SAMD12: variants seen among roughly 807,000 people sequenced by gnomAD.
SAMD12 encodes sterile alpha motif domain-containing protein 12.
In SAMD12, 9 loss-of-function variants were observed where a neutral mutation model predicts 15.0. That is an observed-to-expected ratio of 0.60 (90% confidence interval 0.36 to 1.05). The LOEUF (loss-of-function observed/expected upper bound fraction) is 1.05. SAMD12 is among the 50% of genes least tolerant of loss of function. SAMD12 has a pLI of 0.01. For missense variants in SAMD12, 230 were observed against 234.2 expected (o/e 0.98, Z 0.12); for synonymous variants, 86 against 90.1 (o/e 0.96, Z 0.25).
At chr8:118,295,529 A>G (rs1208593253) in intron 4 of SAMD12, 1 of 152,158 alleles carries the variant, frequency 6.6e-6, no homozygotes, top group African/African-American at 2.4e-5. Context: ...AACTCAATTT[A>G]GTTTTGTAAA....
rs1284019637 is a variant in SAMD12, at chr8:118,391,020, C to G, written c.323-11320G>C. 2.6e-5 allele frequency among the ~76,000 whole-genome samples: 4 copies of G among 152,040 alleles called. No individual in the cohort carries two copies. The East Asian group carries it at 7.7e-4, about 29-fold the overall frequency. ...TGCTTTTCAAACAGAAAATGTGACC[C>G]TGCATTGTTTTTAGCTCTCCGAGAA... On this transcript the variant is annotated intron_variant, in intron 3 of 3. Coordinates refer to ENST00000314727, the MANE Select transcript of SAMD12 (RefSeq NM_207506.3).
downstream of SAMD12, among the ~76,000 whole-genome samples, chr8:118,374,646 A>G (rs1201998604): frequency 6.6e-6 from 1 of 151,978 alleles, no homozygotes; most frequent in African/African-American, 2.4e-5. Flanking sequence ...AACACTAGTT[A>G]TTTTCTGTTC....
chr8:118,169,681 G>A, the SAMD12 span, among the ~76,000 whole-genome samples: 1 of 152,154 alleles, frequency 6.6e-6, no homozygotes, highest in Admixed American at 6.5e-5. Context: ...TAGTTCTAGA[G>A]ATGTTTACAA....
intron 2 of SAMD12, among the ~76,000 whole-genome samples, chr8:118,447,875 G>A (rs1049418195): frequency 5.3e-4 from 81 of 151,480 alleles, no homozygotes; most frequent in African/African-American, 1.7e-3. Flanking sequence ...ACAGGAGCCC[G>A]CCACCATGCG....
chr8:118,456,301 A>T (rs916981751), intron 2 of SAMD12, among the ~76,000 whole-genome samples: 11 of 152,164 alleles, frequency 7.2e-5, no homozygotes, highest in African/African-American at 2.7e-4. Flanking sequence ...CTTAAACATC[A>T]TTTCTGCAGG....
At chr8:118,551,357 T>C (rs1304335897) in intron 2 of SAMD12, among the ~76,000 whole-genome samples, 2 of 151,956 alleles carry the variant, frequency 1.3e-5, no homozygotes, top group Non-Finnish European at 2.9e-5. Flanking sequence ...AAACTAGAAC[T>C]CAGGATTAAG....
the SAMD12 span, among the ~76,000 whole-genome samples, chr8:118,181,895 T>G: frequency 6.6e-6 from 1 of 152,244 alleles, no homozygotes; most frequent in East Asian, 1.9e-4. Flanking sequence ...CTAGCTGAGG[T>G]TGGTTGCTAG....
In SAMD12 at chr8:118,396,180, C is replaced by T. The variant is rs578073341; in HGVS notation, c.323-16480G>A. Among the ~76,000 whole-genome samples the T allele has an allele frequency of 2.0e-5, 3 of 152,174 alleles. No individual in the cohort carries two copies. In the South Asian group the frequency reaches 6.2e-4, roughly 32 times the overall value. ...GCCTGGGTTTGCAGGTTGGTGTCTCCACATGCAAGCTCTGTGAGCTTGAGT... is the reference window on the plus strand; with the variant it reads ...GCCTGGGTTTGCAGGTTGGTGTCTCTACATGCAAGCTCTGTGAGCTTGAGT... On this transcript the variant is annotated intron_variant, in intron 3 of 3. Coordinates refer to ENST00000314727, the MANE Select transcript of SAMD12 (RefSeq NM_207506.3).
intron 3 of SAMD12, among the ~76,000 whole-genome samples, chr8:118,386,214 A>C (rs1160817051): frequency 6.6e-6 from 1 of 152,194 alleles, no homozygotes; most frequent in Admixed American, 6.5e-5. Flanking sequence ...TTGGGCTAAC[A>C]TCAACGTGTC....
At chr8:118,166,459 G>A in the SAMD12 span, among the ~76,000 whole-genome samples, 1 of 152,106 alleles carries the variant, frequency 6.6e-6, no homozygotes, top group Non-Finnish European at 1.5e-5. Flanking sequence ...AAGCAAGAAA[G>A]AATACAAAAA....
chr8:118,614,696 C>A (rs1281651398), intron 1 of SAMD12, among the ~76,000 whole-genome samples: 1 of 152,184 alleles, frequency 6.6e-6, no homozygotes, highest in East Asian at 1.9e-4. Context: ...CAAAACTTGC[C>A]AATAGCCCCA....
At chr8:118,605,350 T>A (rs560584973) in intron 1 of SAMD12, among the ~76,000 whole-genome samples, 15 of 152,346 alleles carry the variant, frequency 9.8e-5, no homozygotes, top group African/African-American at 3.1e-4. Context: ...TACATTATTT[T>A]AAAAAATATT....
intron 4 of SAMD12, among the ~76,000 whole-genome samples, chr8:118,257,229 T>C (rs1812967242): frequency 1.3e-5 from 2 of 152,102 alleles, no homozygotes; most frequent in South Asian, 2.1e-4. Flanking sequence ...GCTAGAGAAG[T>C]AGTATCTTTA....
At chr8:118,561,888 G>T (rs1826711678) in intron 2 of SAMD12, among the ~76,000 whole-genome samples, 1 of 152,120 alleles carries the variant, frequency 6.6e-6, no homozygotes, top group Non-Finnish European at 1.5e-5. Flanking sequence ...ATGGTTCATG[G>T]AATTATCTGA....
chr8:118,217,800 A>G (rs1182641026), intron 4 of SAMD12, among the ~76,000 whole-genome samples: 1 of 152,200 alleles, frequency 6.6e-6, no homozygotes, highest in Admixed American at 6.5e-5. Context: ...TTATCCAACC[A>G]TCTGCACCCT....
At chr8:118,557,391 G>T (rs537152096) in intron 2 of SAMD12, among the ~76,000 whole-genome samples, 108 of 152,286 alleles carry the variant, frequency 7.1e-4, no homozygotes, top group African/African-American at 2.5e-3. Context: ...ACTCAGTCTT[G>T]GGTAGTATCT....
intron 3 of SAMD12, among the ~76,000 whole-genome samples, chr8:118,396,706 T>C (rs1487929542): frequency 6.6e-6 from 1 of 152,226 alleles, no homozygotes; most frequent in African/African-American, 2.4e-5. Flanking sequence ...TTAGGAAGGC[T>C]GCGCCTGTTT....
chr8:118,161,816 G>C, the SAMD12 span, among the ~76,000 whole-genome samples: 13 of 151,828 alleles, frequency 8.6e-5, no homozygotes, highest in Admixed American at 8.5e-4. Flanking sequence ...ACACAGGAAT[G>C]GATCAATATC....
intron 3 of SAMD12, among the ~76,000 whole-genome samples, chr8:118,385,300 A>G (rs1474331272): frequency 1.3e-5 from 2 of 152,200 alleles, no homozygotes; most frequent in African/African-American, 4.8e-5. Flanking sequence ...TGAAGGCCTG[A>G]GTAGAACAAA....
Sources: gnomAD v4.1 joint callset for allele counts (sites outside exome capture counted in the v4.1 genomes callset) on GRCh38, gnomAD v4.1.1 for gene constraint, MANE v1.5 for transcripts, NCBI Gene and HGNC (gene_info 2026-07-23, HGNC 2026-07-21) for gene names.